FMO5: variants seen among roughly 807,000 people sequenced by gnomAD.
FMO5 encodes flavin containing dimethylaniline monoxygenase 5.
FMO5 carries 51 observed loss-of-function variants against 43.6 expected under a neutral mutation model. The ratio of observed to expected loss-of-function variants is 1.17; its 90% CI spans 0.93 to 1.48. The LOEUF (loss-of-function observed/expected upper bound fraction) is 1.48. Among genes scored for constraint, FMO5 ranks in the 40% most tolerant of loss-of-function variants. The pLI is 0.00. For synonymous variants in FMO5, 187 were observed against 216.5 expected (o/e 0.86, Z 1.20); for missense variants, 644 against 643.0 (o/e 1.00, Z -0.02).
At chr1:147,220,641 T>G (rs1456502161) in intron 2 of FMO5, among the ~76,000 whole-genome samples, 3 of 152,200 alleles carry the variant, frequency 2.0e-5, no homozygotes, top group African/African-American at 7.2e-5. Flanking sequence ...ATAGTGATAT[T>G]ATCTAGGGTT....
intron 7 of FMO5, among the ~76,000 whole-genome samples, chr1:147,194,870 G>A (rs1246560039): frequency 2.6e-5 from 4 of 152,096 alleles, no homozygotes; most frequent in African/African-American, 9.7e-5. Flanking sequence ...TTACTGCCGA[G>A]AGATCTGCTG....
intron 7 of FMO5, among the ~76,000 whole-genome samples, chr1:147,199,878 A>G (rs1429714199): frequency 6.6e-6 from 1 of 152,184 alleles, no homozygotes; most frequent in East Asian, 1.9e-4. Context: ...TAGTGAAAAC[A>G]AAAAAGGTGT....
At chr1:147,201,561 C>T in intron 6 of FMO5, 57 bp from the exon 7 acceptor site, 5 of 1,408,960 alleles carry the variant, frequency 3.5e-6, no homozygotes, top group Non-Finnish European at 4.9e-6. Context: ...ATCAGTACCA[C>T]ATAAGTAAAA....
Position 147,186,678 on chromosome 1 carries a change from T to C in FMO5, c.*222A>G. On this transcript the variant is annotated 3_prime_UTR_variant, in exon 9 of 9. Transcript: ENST00000254090. ...GTACCTGAGCTCCCAGTCTAGGGAT[T>C]ACCACAAGGAAGAGTGACGGATCAT... 2 of 1,365,186 alleles carry C rather than the reference T, an allele frequency of 1.5e-6. No individual in the cohort carries two copies. Among genetic ancestry groups the C allele is most frequent in the Non-Finnish European group, 1.9e-6 (2 of 1,062,250 alleles). The allele number at this position is 1,365,186 out of a possible 1,614,324, so 84.6% of individuals were successfully genotyped here.
Position 147,186,999 on chromosome 1 carries a change from T to C in FMO5, c.1503A>G (p.Thr501=). 6.2e-7 allele frequency: 1 copy of C among 1,614,220 alleles called. No individual in the cohort carries two copies. The highest frequency in any genetic ancestry group is 8.5e-7 in the Non-Finnish European group (1 of 1,180,032). ...TDDRIRKPLM[T]RVVERSSSMT... is the part of the protein sequence containing the mutation. ...TAGAACTACTCCTTTCAACTACTCT[T>C]GTCATCAGAGGCTTCCTGATGCGAT... The change falls in exon 9 of 9, where the codon ACA becomes ACG. Residue 501 remains threonine (T), a synonymous_variant. Transcript: ENST00000254090.
At chr1:147,225,179 A>G in intron 1 of FMO5, 108 bp downstream of exon 1, 1 of 1,483,804 alleles carries the variant, frequency 6.7e-7, no homozygotes, top group South Asian at 1.4e-5. Context: ...TGAGGAGGAC[A>G]GATTCGACGG....
chr1:147,222,099 G>A (rs782648042), intron 2 of FMO5, among the ~76,000 whole-genome samples: 24 of 152,190 alleles, frequency 1.6e-4, no homozygotes, highest in Non-Finnish European at 2.9e-4. Context: ...GCTAGGCACG[G>A]TGGCTCATGC....
At chr1:147,214,134 C>T (rs1553924464) in intron 3 of FMO5, among the ~76,000 whole-genome samples, 1 of 152,096 alleles carries the variant, frequency 6.6e-6, no homozygotes, top group African/African-American at 2.4e-5. Context: ...GGCCCATGAC[C>T]ATAATGTCTT....
At chr1:147,218,540 C>T (rs1176276464) in intron 2 of FMO5, among the ~76,000 whole-genome samples, 1 of 152,082 alleles carries the variant, frequency 6.6e-6, no homozygotes, top group Non-Finnish European at 1.5e-5. Flanking sequence ...CCAGCCTCAA[C>T]ATGCAGAATT....
chr1:147,224,635 G>A lies in FMO5; in HGVS notation c.135+260C>T, dbSNP rs587691700. Among the ~76,000 whole-genome samples the A allele has an allele frequency of 1.5e-3, 226 of 151,942 alleles. 1 individual carries two copies. The Middle Eastern group carries it at 0.024, about 16-fold the overall frequency. On this transcript the variant is annotated intron_variant, in intron 2 of 8. Transcript: ENST00000254090. Reference sequence around the variant, plus strand: ...CCCCATCCTCCTGCCTTAGCCTCCCGAGTAGCTGGGACTACATGCACCCGC... The same window carrying A: ...CCCCATCCTCCTGCCTTAGCCTCCCAAGTAGCTGGGACTACATGCACCCGC...
intron 2 of FMO5, among the ~76,000 whole-genome samples, chr1:147,220,916 T>C (rs1362208915): frequency 7.7e-6 from 1 of 129,770 alleles, no homozygotes; most frequent in Non-Finnish European, 1.6e-5. Context: ...TTCTTACTTA[T>C]AATAACATAA....
chr1:147,199,068 A>G (rs72997527), intron 7 of FMO5, among the ~76,000 whole-genome samples: 2,641 of 152,248 alleles, frequency 0.017, 79 homozygotes, highest in African/African-American at 0.061. Flanking sequence ...AACAGAAACT[A>G]TGTTTCATTT....
intron 2 of FMO5, among the ~76,000 whole-genome samples, chr1:147,222,039 A>G (rs587697448): frequency 1.3e-5 from 2 of 152,158 alleles, no homozygotes; most frequent in Admixed American, 6.5e-5. Flanking sequence ...TTTCCTACCT[A>G]GGCACAAGGC....
At position 147,186,973 on chromosome 1, in the gene FMO5, A is replaced by C. The variant is rs782462768; in HGVS notation, c.1529T>G (p.Met510Arg). The C allele has an allele frequency of 6.2e-7, 1 of 1,614,108 alleles. No individual in the cohort carries two copies. Among genetic ancestry groups the C allele is most frequent in the African/African-American group, 1.3e-5 (1 of 74,948 alleles). Residue 510 changes from methionine to arginine, a missense_variant, in exon 9 of 9, where the codon ATG (methionine) becomes AGG (arginine). Transcript: ENST00000254090. ...CTTGCCTATTGTCATTGTTGAAGTC[A>C]TAGAACTACTCCTTTCAACTACTCT... ...MTRVVERSSSMTSTMTIGKFM... is the reference protein window; with the variant it reads ...MTRVVERSSSRTSTMTIGKFM...
At chr1:147,185,570 TAAG>T (rs1326294771), downstream of FMO5, among the ~76,000 whole-genome samples, 14 of 152,298 alleles carry the variant, frequency 9.2e-5, no homozygotes, top group South Asian at 2.1e-4. Context: ...AATGTTTAAA[TAAG>T]AAGAAGTTGT....
chr1:147,203,937 G>T (rs1285527192), intron 6 of FMO5: 2 of 1,395,164 alleles, frequency 1.4e-6, no homozygotes, highest in Non-Finnish European at 2.0e-6. Context: ...AATCTAGGAA[G>T]AGCTGTAGCA....
intron 6 of FMO5, chr1:147,203,895 A>C: frequency 3.2e-6 from 5 of 1,576,390 alleles, no homozygotes; most frequent in Non-Finnish European, 3.5e-6. Flanking sequence ...ACACTGTCTC[A>C]GTGTCCCATT....
At chr1:147,198,036 G>T (rs1658313569) in intron 7 of FMO5, among the ~76,000 whole-genome samples, 1 of 152,150 alleles carries the variant, frequency 6.6e-6, no homozygotes, top group South Asian at 2.1e-4. Context: ...GCCTAAAGCA[G>T]GTTGTATCTG....
At chr1:147,224,279 G>C (rs781833281) in intron 2 of FMO5, 2 of 193,504 alleles carry the variant, frequency 1.0e-5, no homozygotes, top group Non-Finnish European at 2.1e-5. Context: ...AATGTCCTGG[G>C]TCCTAAATCT....
Sources: gnomAD v4.1 joint callset for allele counts (sites outside exome capture counted in the v4.1 genomes callset) on GRCh38, gnomAD v4.1.1 for gene constraint, MANE v1.5 for transcripts, NCBI Gene and HGNC (gene_info 2026-07-23, HGNC 2026-07-21) for gene names.